Variants in IL1RAPL2 observed in about 807,000 individuals in gnomAD.
IL1RAPL2 encodes the protein interleukin 1 receptor accessory protein like 2, also known as X-linked interleukin-1 receptor accessory protein-like 2.
A neutral mutation model predicts 44.1 loss-of-function variants in IL1RAPL2; 3 were observed. The ratio of observed to expected loss-of-function variants is 0.07; its 90% CI spans 0.03 to 0.18. IL1RAPL2 has a LOEUF of 0.18. IL1RAPL2 is among the 10% of genes least tolerant of loss of function. The pLI, the probability that IL1RAPL2 is intolerant of heterozygous loss-of-function variation, is 1.00. For missense variants in IL1RAPL2, 391 were observed against 496.4 expected (o/e 0.79, Z 2.02); for synonymous variants, 181 against 178.8 (o/e 1.01, Z -0.10).
At chrX:105,205,732 T>C (rs1370271799) in intron 3 of IL1RAPL2, among the ~76,000 whole-genome samples, 1 of 104,589 alleles carries the variant, frequency 9.6e-6, no homozygotes, top group Non-Finnish European at 1.9e-5. Flanking sequence ...CTGTTGCATA[T>C]TGTGGACCAG....
intron 5 of IL1RAPL2, among the ~76,000 whole-genome samples, chrX:105,288,017 A>G (rs2147667172): frequency 9.0e-6 from 1 of 111,528 alleles, no homozygotes; most frequent in South Asian, 3.8e-4. Flanking sequence ...CAAGAGTGCT[A>G]TGGAAGCCCA....
At chrX:104,691,235 G>A (rs1034984769) in intron 2 of IL1RAPL2, among the ~76,000 whole-genome samples, 2 of 111,830 alleles carry the variant, frequency 1.8e-5, no homozygotes, top group Middle Eastern at 4.2e-3. Flanking sequence ...CTCTTGTCAC[G>A]TCAGGGCCTA....
chrX:104,870,329 AGTG>A (rs1484869478), intron 2 of IL1RAPL2, among the ~76,000 whole-genome samples: 1 of 112,387 alleles, frequency 8.9e-6, no homozygotes, highest in African/African-American at 3.2e-5. Flanking sequence ...TTTGAAGAAA[AGTG>A]GTAGTAGGGT....
At chrX:105,273,225 A>G (rs2034460965) in intron 5 of IL1RAPL2, among the ~76,000 whole-genome samples, 1 of 111,348 alleles carries the variant, frequency 9.0e-6, no homozygotes, top group African/African-American at 3.3e-5. Context: ...CACAACCAAC[A>G]TATGAGGGTG....
At chrX:104,692,307 G>T (rs1931103570) in intron 2 of IL1RAPL2, among the ~76,000 whole-genome samples, 1 of 109,860 alleles carries the variant, frequency 9.1e-6, no homozygotes. Flanking sequence ...ACCTTATTTT[G>T]CACTGCTATA....
chrX:104,866,629 G>T (rs1922622693), intron 2 of IL1RAPL2, among the ~76,000 whole-genome samples: 1 of 111,894 alleles, frequency 8.9e-6, no homozygotes, highest in Admixed American at 9.5e-5. Context: ...ACTTTTCATG[G>T]GAAAAGTTTG....
At chrX:105,574,381 TAGG>T (rs2037036063) in intron 6 of IL1RAPL2, among the ~76,000 whole-genome samples, 1 of 111,059 alleles carries the variant, frequency 9.0e-6, no homozygotes, top group Admixed American at 9.6e-5. Context: ...GAAGAAGATA[TAGG>T]AGGAGACCCA....
chrX:105,243,605 A>ATTTTT (rs1302757097), intron 4 of IL1RAPL2, among the ~76,000 whole-genome samples: 1 of 97,398 alleles, frequency 1.0e-5, no homozygotes, highest in African/African-American at 3.9e-5. Flanking sequence ...ATATATATAT[A>ATTTTT]TTTTTTTTTT....
intron 2 of IL1RAPL2, among the ~76,000 whole-genome samples, chrX:104,765,186 T>C (rs1372158391): frequency 1.8e-5 from 2 of 111,543 alleles, no homozygotes; most frequent in African/African-American, 6.5e-5. Flanking sequence ...TGAGCTTTTT[T>C]TGTTTTGTTT....
At chrX:104,637,515 T>C (rs1422415331) in intron 1 of IL1RAPL2, among the ~76,000 whole-genome samples, 1 of 111,067 alleles carries the variant, frequency 9.0e-6, no homozygotes, top group Non-Finnish European at 1.9e-5. Flanking sequence ...TTGAGAGTTT[T>C]TTTTTTTTAT....
At chrX:104,855,364 C>T (rs12556589) in intron 2 of IL1RAPL2, among the ~76,000 whole-genome samples, 1 of 111,041 alleles carries the variant, frequency 9.0e-6, no homozygotes, top group Non-Finnish European at 1.9e-5. Flanking sequence ...AACATGGAAT[C>T]TAAAAGGAAG....
chrX:104,699,251 A>ATTTCATTATTTCAT (rs1260477944), intron 2 of IL1RAPL2, among the ~76,000 whole-genome samples: 1 of 111,802 alleles, frequency 8.9e-6, no homozygotes. Flanking sequence ...TCATTATAAT[A>ATTTCATTATTTCAT]TGTAATGAAA....
At chrX:105,519,725 G>A (rs1203758488) in intron 6 of IL1RAPL2, among the ~76,000 whole-genome samples, 2 of 111,441 alleles carry the variant, frequency 1.8e-5, no homozygotes, top group Non-Finnish European at 3.8e-5. Context: ...CTAAGGTATG[G>A]TTTTGGTTCT....
At chrX:105,425,004 G>T (rs2035799466) in intron 5 of IL1RAPL2, among the ~76,000 whole-genome samples, 1 of 110,110 alleles carries the variant, frequency 9.1e-6, no homozygotes, top group South Asian at 4.0e-4. Flanking sequence ...ATCCAACTGA[G>T]CCACCAGAGC....
intron 2 of IL1RAPL2, among the ~76,000 whole-genome samples, chrX:105,071,142 C>G (rs1165766499): frequency 9.0e-6 from 1 of 110,531 alleles, no homozygotes; most frequent in East Asian, 2.8e-4. Flanking sequence ...ATAGAAAACC[C>G]CTAAAGACTC....
At chrX:104,935,143 AT>A (rs1193946504) in intron 2 of IL1RAPL2, among the ~76,000 whole-genome samples, 1 of 112,216 alleles carries the variant, frequency 8.9e-6, no homozygotes, top group African/African-American at 3.2e-5. Context: ...ATTGTTCATA[AT>A]TTTTTGTTAT....
intron 2 of IL1RAPL2, among the ~76,000 whole-genome samples, chrX:104,942,256 T>TGG (rs1925201491): frequency 1.8e-5 from 2 of 112,211 alleles, no homozygotes; most frequent in South Asian, 7.5e-4. Flanking sequence ...GGTAGCTTGA[T>TGG]GGGGATGGCA....
intron 1 of IL1RAPL2, among the ~76,000 whole-genome samples, chrX:104,585,410 A>T (rs1290422837): frequency 2.1e-5 from 1 of 47,496 alleles, no homozygotes; most frequent in African/African-American, 9.1e-5. Context: ...TAATATATAT[A>T]TAATATATAT....
intron 6 of IL1RAPL2, among the ~76,000 whole-genome samples, chrX:105,496,597 G>A (rs1236099947): frequency 3.6e-5 from 4 of 112,023 alleles, no homozygotes; most frequent in African/African-American, 1.3e-4. Flanking sequence ...TGTAAAGTAT[G>A]ATGAGTATAA....
Sources: allele counts gnomAD v4.1 joint callset (sites outside exome capture counted in the v4.1 genomes callset), GRCh38; gene constraint gnomAD v4.1.1; transcripts MANE v1.5; gene names NCBI Gene and HGNC (gene_info 2026-07-23, HGNC 2026-07-21).